INPP5A: variants seen among roughly 807,000 people sequenced by gnomAD.
INPP5A encodes the protein inositol polyphosphate-5-phosphatase A.
Under a neutral mutation model 65.2 loss-of-function variants are expected in INPP5A, and 14 were observed. The ratio of observed to expected loss-of-function variants is 0.21; its 90% CI spans 0.14 to 0.34. The LOEUF (loss-of-function observed/expected upper bound fraction) is 0.34. INPP5A is among the 10% of genes least tolerant of loss of function. INPP5A has a pLI of 1.00. For missense variants in INPP5A, 431 were observed against 545.6 expected, an observed-to-expected ratio of 0.79 and a Z score of 2.09; for synonymous variants, 207 against 208.3, an observed-to-expected ratio of 0.99 and a Z score of 0.05.
Position 132,707,959 on chromosome 10 carries a change from C to T in INPP5A, c.475-354C>T, listed in dbSNP as rs550833571. On this transcript the variant is annotated intron_variant, in intron 6 of 15. Coordinates refer to ENST00000368594, the MANE Select transcript of INPP5A (RefSeq NM_005539.5). The surrounding 1 kb of genome is among the most constrained non-coding windows in gnomAD (Gnocchi z 5.5). ...GTCTTCCCTGTGGTCCAGCCGAGGGCGGCCGTGTGTCTCGAGCTCCCTGAT... is the reference window on the plus strand; with the variant it reads ...GTCTTCCCTGTGGTCCAGCCGAGGGTGGCCGTGTGTCTCGAGCTCCCTGAT... Among the ~76,000 whole-genome samples the T allele has an allele frequency of 5.3e-4, 81 of 152,292 alleles. 2 individuals are homozygous for T. Among genetic ancestry groups the T allele is most frequent in the South Asian group, 3.3e-3 (16 of 4,828 alleles).
intron 11 of INPP5A, among the ~76,000 whole-genome samples, chr10:132,752,610 AGT>A (rs528823527): frequency 1.2e-5 from 1 of 80,048 alleles, no homozygotes; most frequent in Non-Finnish European, 2.4e-5. Context: ...TGTGGCATGG[AGT>A]GGGGTGTGGC....
At chr10:132,608,970 G>A (rs2071902203) in intron 2 of INPP5A, among the ~76,000 whole-genome samples, 1 of 152,204 alleles carries the variant, frequency 6.6e-6, no homozygotes. Context: ...GTGCCCTCGG[G>A]CCTGTGTCCT....
rs1264189589 is a variant in INPP5A, at chr10:132,568,636, A to G, written c.75+30465A>G. Reference sequence around the variant, plus strand: ...GCCATCCGTGGTGTTGGGCACCCGTAATATCAGCCACTCAGGAGACTGAGG... The same window carrying G: ...GCCATCCGTGGTGTTGGGCACCCGTGATATCAGCCACTCAGGAGACTGAGG... On this transcript the variant is annotated intron_variant, in intron 1 of 15. Coordinates refer to ENST00000368594, the MANE Select transcript of INPP5A (RefSeq NM_005539.5). 2.0e-5 allele frequency among the ~76,000 whole-genome samples: 3 copies of G among 152,132 alleles called. No homozygotes were observed. In the East Asian group the frequency reaches 5.8e-4, roughly 29 times the overall value.
At chr10:132,540,492 T>C (rs1293366133) in intron 1 of INPP5A, among the ~76,000 whole-genome samples, 8 of 152,246 alleles carry the variant, frequency 5.3e-5, no homozygotes, top group African/African-American at 1.7e-4. Context: ...TGTCTGAAGA[T>C]TTCTTAATGT....
At chr10:132,658,368 T>A (rs904899237) in intron 4 of INPP5A, among the ~76,000 whole-genome samples, 1 of 152,234 alleles carries the variant, frequency 6.6e-6, no homozygotes, top group Non-Finnish European at 1.5e-5. Flanking sequence ...CACTCCCTTA[T>A]TGATGGATTG....
intron 2 of INPP5A, among the ~76,000 whole-genome samples, chr10:132,630,060 C>G (rs911610623): frequency 3.3e-5 from 5 of 151,932 alleles, no homozygotes; most frequent in African/African-American, 1.2e-4. Flanking sequence ...GGAGGGCGTC[C>G]TCGAGGATAG....
intron 1 of INPP5A, among the ~76,000 whole-genome samples, chr10:132,579,068 G>T (rs1467283736): frequency 6.6e-6 from 1 of 152,210 alleles, no homozygotes; most frequent in East Asian, 1.9e-4. Context: ...GTAGGAAGGG[G>T]CCTGATGCCC....
chr10:132,571,089 C>T lies in INPP5A; in HGVS notation c.75+32918C>T, dbSNP rs561545027. Among the ~76,000 whole-genome samples the T allele has an allele frequency of 1.4e-3, 211 of 152,394 alleles. 3 individuals are homozygous for T. The highest frequency in any genetic ancestry group is 4.4e-3 in the African/African-American group (182 of 41,598). ...GCCAGGTCCAGCTGGGCACAGTGCA[C>T]GCCCACCTGCTGGGCCCTCCTCACC... On this transcript the variant is annotated intron_variant, in intron 1 of 15. Transcript: ENST00000368594.
At chr10:132,609,387 G>C (rs1344773675) in intron 2 of INPP5A, among the ~76,000 whole-genome samples, 1 of 152,172 alleles carries the variant, frequency 6.6e-6, no homozygotes, top group Non-Finnish European at 1.5e-5. Flanking sequence ...TCGGGGGCCA[G>C]TGGCGGGGGC....
At chr10:132,708,847 A>G (rs1207958568) in intron 7 of INPP5A, among the ~76,000 whole-genome samples, 1 of 151,872 alleles carries the variant, frequency 6.6e-6, no homozygotes, top group Non-Finnish European at 1.5e-5. Context: ...GCGCCGCCCC[A>G]CCTTTTCTGC....
At chr10:132,645,221 C>T (rs1368844610) in intron 2 of INPP5A, among the ~76,000 whole-genome samples, 5 of 140,122 alleles carry the variant, frequency 3.6e-5, no homozygotes, top group Admixed American at 7.0e-5. Flanking sequence ...ATGGGGCGGG[C>T]GGGGCAGGGG....
chr10:132,759,773 C>T (rs1846697780), intron 11 of INPP5A, among the ~76,000 whole-genome samples: 1 of 152,138 alleles, frequency 6.6e-6, no homozygotes. Flanking sequence ...GGAGCCCCGG[C>T]CCCATGCCCA....
At chr10:132,655,310 C>T (rs1233541459) in intron 4 of INPP5A, among the ~76,000 whole-genome samples, 2 of 152,196 alleles carry the variant, frequency 1.3e-5, no homozygotes, top group Non-Finnish European at 2.9e-5. Flanking sequence ...CAGAGCTAGC[C>T]CCGCCGTGGA....
At chr10:132,718,930 G>A (rs1178135907) in intron 8 of INPP5A, among the ~76,000 whole-genome samples, 1 of 149,872 alleles carries the variant, frequency 6.7e-6, no homozygotes, top group East Asian at 2.0e-4. Flanking sequence ...CGGGTTCTGT[G>A]GTACCTGGGT....
At position 132,659,013 on chromosome 10, in the gene INPP5A, C is replaced by T. The variant is rs939773847; in HGVS notation, c.306+8508C>T. On this transcript the variant is annotated intron_variant, in intron 4 of 15. Transcript: ENST00000368594. The surrounding 1 kb of genome is among the most constrained non-coding windows in gnomAD (Gnocchi z 5.5). ...TCTGCCATCACCTGGAGTCAGCTGCCGTCCACAGTGGAAGCTGCCAGCCAC... is the reference window on the plus strand; with the variant it reads ...TCTGCCATCACCTGGAGTCAGCTGCTGTCCACAGTGGAAGCTGCCAGCCAC... 3.9e-5 allele frequency among the ~76,000 whole-genome samples: 6 copies of T among 152,166 alleles called. No homozygotes were observed. The highest frequency in any genetic ancestry group is 1.2e-4 in the African/African-American group (5 of 41,446).
At chr10:132,658,664 C>T (rs1297905346) in intron 4 of INPP5A, among the ~76,000 whole-genome samples, 5 of 152,236 alleles carry the variant, frequency 3.3e-5, no homozygotes, top group South Asian at 2.1e-4. Context: ...CATGGGTGCC[C>T]GGGTGTCTGC....
chr10:132,686,132 G>A (rs1041460445), intron 4 of INPP5A, among the ~76,000 whole-genome samples: 3 of 152,168 alleles, frequency 2.0e-5, no homozygotes, highest in Non-Finnish European at 2.9e-5. Flanking sequence ...CCCAGCCAGG[G>A]CCCAGGTTAG....
intron 4 of INPP5A, among the ~76,000 whole-genome samples, chr10:132,680,971 C>T (rs1378818895): frequency 1.3e-5 from 2 of 152,232 alleles, no homozygotes; most frequent in East Asian, 1.9e-4. Context: ...GGAGCCTCCC[C>T]GACGAGCTCC....
At chr10:132,728,953 T>C (rs56198668) in intron 9 of INPP5A, among the ~76,000 whole-genome samples, 3,794 of 150,962 alleles carry the variant, frequency 0.025, 62 homozygotes, top group South Asian at 0.054. Context: ...GCTCTGGTCT[T>C]GGCAGGCGTG....
Sources: gnomAD v4.1 joint callset for allele counts (sites outside exome capture counted in the v4.1 genomes callset) on GRCh38, gnomAD v4.1.1 for gene constraint, Gnocchi (gnomAD v3.1) non-coding constraint, MANE v1.5 for transcripts, NCBI Gene and HGNC (gene_info 2026-07-23, HGNC 2026-07-21) for gene names.